Variants in NFIL3 observed in about 807,000 individuals in gnomAD.
NFIL3 encodes the protein nuclear factor, interleukin 3 regulated, also known as nuclear factor interleukin-3-regulated protein.
In NFIL3, 5 loss-of-function variants were observed where a neutral mutation model predicts 10.0. The ratio of observed to expected loss-of-function variants is 0.50; its 90% CI spans 0.26 to 1.06. The LOEUF is 1.06. Ranked by LOEUF, NFIL3 falls within the 50% of genes least tolerant of loss-of-function variation. The probability of loss-of-function intolerance (pLI) is 0.13; values close to 1 mark genes in which losing one functional copy is unlikely to be tolerated. For synonymous variants in NFIL3, 202 were observed against 206.5 expected, an observed-to-expected ratio of 0.98 and a Z score of 0.19; for missense variants, 436 against 547.6, an observed-to-expected ratio of 0.80 and a Z score of 2.03.
the NFIL3 span, among the ~76,000 whole-genome samples, chr9:91,461,916 A>G: frequency 2.0e-5 from 3 of 152,128 alleles, no homozygotes; most frequent in Non-Finnish European, 1.5e-5. Flanking sequence ...TGGCAAGACT[A>G]TAGTCTTGCC....
chr9:91,409,608 G>A lies in NFIL3; in HGVS notation c.1127C>T (p.Ser376Phe). Reference protein sequence around the residue: ...EKHSAPSMVHSSLTPFSVQVT... With the variant: ...EKHSAPSMVHFSLTPFSVQVT... ...TTGCACTGAGAAAGGAGTAAGAGAA[G>A]AATGTACCATACTTGGGGCACTATG... The change falls in exon 2 of 2, where the codon TCT (serine) becomes TTT (phenylalanine). Residue 376 changes from serine (S) to phenylalanine (F), a missense_variant. By Grantham distance (155) the Ser-to-Phe change is radical. Transcript: ENST00000297689. 1 of 1,614,208 alleles carries A rather than the reference G, an allele frequency of 6.2e-7. No homozygotes were observed. The highest frequency in any genetic ancestry group is 1.1e-5 in the South Asian group (1 of 91,086).
chr9:91,428,033 T>C (rs1833888851), upstream of NFIL3, among the ~76,000 whole-genome samples: 1 of 152,144 alleles, frequency 6.6e-6, no homozygotes, highest in South Asian at 2.1e-4. Context: ...CAGTGTGTGC[T>C]TTTTGCTGGG....
chr9:91,416,598 T>A (rs1833662638), intron 1 of NFIL3, among the ~76,000 whole-genome samples: 1 of 152,212 alleles, frequency 6.6e-6, no homozygotes, highest in South Asian at 2.1e-4. Flanking sequence ...ATTAACTTCA[T>A]TACACACATT....
At chr9:91,424,098 A>G (rs1310604901), upstream of NFIL3, among the ~76,000 whole-genome samples, 1 of 147,930 alleles carries the variant, frequency 6.8e-6, no homozygotes, top group Non-Finnish European at 1.5e-5. Flanking sequence ...CTGGCGCCCC[A>G]TTCCCGGCGC....
the NFIL3 span, among the ~76,000 whole-genome samples, chr9:91,449,548 A>G: frequency 6.6e-5 from 10 of 152,242 alleles, no homozygotes; most frequent in African/African-American, 2.4e-4. Flanking sequence ...TATTCCTGAT[A>G]TAAATCCCAC....
At chr9:91,468,893 C>A in the NFIL3 span, among the ~76,000 whole-genome samples, 17,402 of 152,078 alleles carry the variant, frequency 0.11, 2,153 homozygotes, top group African/African-American at 0.31. Flanking sequence ...TTCCATTGGT[C>A]TTTATCTCTG....
intron 1 of NFIL3, among the ~76,000 whole-genome samples, chr9:91,418,596 G>A (rs144453652): frequency 4.6e-5 from 7 of 152,180 alleles, no homozygotes; most frequent in Admixed American, 2.6e-4. Context: ...TGAATAGAGT[G>A]GATTTTCAAA....
chr9:91,449,289 G>C, the NFIL3 span, among the ~76,000 whole-genome samples: 1 of 152,054 alleles, frequency 6.6e-6, no homozygotes, highest in African/African-American at 2.4e-5. Context: ...CCTGATCTTA[G>C]AATGAAGAAT....
the NFIL3 span, among the ~76,000 whole-genome samples, chr9:91,443,749 G>T: frequency 6.6e-6 from 1 of 152,162 alleles, no homozygotes; most frequent in South Asian, 2.1e-4. Context: ...AACTCAGAAG[G>T]GGGCAGGGCT....
chr9:91,427,315 CAG>C (rs756062673), upstream of NFIL3, among the ~76,000 whole-genome samples: 21 of 152,268 alleles, frequency 1.4e-4, no homozygotes, highest in East Asian at 3.9e-4. Flanking sequence ...GTCCTGGGAA[CAG>C]GGGGTGGAGA....
At chr9:91,450,041 T>C in the NFIL3 span, among the ~76,000 whole-genome samples, 1 of 152,132 alleles carries the variant, frequency 6.6e-6, no homozygotes, top group East Asian at 1.9e-4. Context: ...GTATAGTCAA[T>C]AGTAATGTCT....
At chr9:91,449,697 A>C in the NFIL3 span, among the ~76,000 whole-genome samples, 1 of 152,006 alleles carries the variant, frequency 6.6e-6, no homozygotes, top group East Asian at 1.9e-4. Flanking sequence ...TCTGACTTTG[A>C]TATCAGGGTA....
At chr9:91,461,971 C>T in the NFIL3 span, among the ~76,000 whole-genome samples, 2 of 151,934 alleles carry the variant, frequency 1.3e-5, no homozygotes, top group African/African-American at 2.4e-5. Flanking sequence ...TGCTTAATAA[C>T]GTGGATTTGG....
chr9:91,421,349 C>T (rs926898717), intron 1 of NFIL3, among the ~76,000 whole-genome samples: 1 of 151,950 alleles, frequency 6.6e-6, no homozygotes, highest in Non-Finnish European at 1.5e-5. Context: ...GGGCCGCGCC[C>T]CCACGCGGCG....
chr9:91,409,616 C>T lies in NFIL3; in HGVS notation c.1119G>A (p.Met373Ile). The change falls in exon 2 of 2, where the codon ATG becomes ATA. Residue 373 changes from methionine (M) to isoleucine (I), a missense_variant. Physicochemically the swap from Met to Ile is conservative, Grantham distance 10. Coordinates refer to ENST00000297689, the MANE Select transcript of NFIL3 (RefSeq NM_005384.3). ...FELEKHSAPS[M>I]VHSSLTPFSV... is the part of the protein sequence containing the mutation. The stretch of plus-strand genomic sequence containing the variant: ...AGAAAGGAGTAAGAGAAGAATGTAC[C>T]ATACTTGGGGCACTATGCTTTTCGA... 3 of 1,614,174 alleles carry T rather than the reference C, an allele frequency of 1.9e-6. No homozygotes were observed. The highest frequency in any genetic ancestry group is 2.5e-6 in the Non-Finnish European group (3 of 1,180,038).
chr9:91,432,288 A>G, the NFIL3 span, among the ~76,000 whole-genome samples: 1 of 152,172 alleles, frequency 6.6e-6, no homozygotes, highest in Non-Finnish European at 1.5e-5. Flanking sequence ...GTCTTGGGGC[A>G]CTGTAGTCAA....
the NFIL3 span, among the ~76,000 whole-genome samples, chr9:91,455,513 G>A: frequency 6.6e-6 from 1 of 151,962 alleles, no homozygotes; most frequent in African/African-American, 2.4e-5. Flanking sequence ...ATGTCCTTTT[G>A]ATAAGCTCTA....
chr9:91,474,764 C>G, the NFIL3 span, among the ~76,000 whole-genome samples: 1 of 152,186 alleles, frequency 6.6e-6, no homozygotes, highest in Non-Finnish European at 1.5e-5. Flanking sequence ...CAAAAGGTCT[C>G]TTTCCTGAGT....
the NFIL3 span, among the ~76,000 whole-genome samples, chr9:91,440,815 AG>A: frequency 6.6e-6 from 1 of 152,108 alleles, no homozygotes; most frequent in Admixed American, 6.5e-5. Context: ...GAGTTTTTCA[AG>A]ATATCTTCTG....
Sources: allele counts gnomAD v4.1 joint callset (sites outside exome capture counted in the v4.1 genomes callset), GRCh38; gene constraint gnomAD v4.1.1; transcripts MANE v1.5; gene names NCBI Gene and HGNC (gene_info 2026-07-23, HGNC 2026-07-21).